The following RPN2 variants were observed in gnomAD, a reference collection of about 807,000 sequenced individuals.
RPN2 encodes dolichyl-diphosphooligosaccharide--protein glycosyltransferase subunit 2.
A neutral mutation model predicts 71.4 loss-of-function variants in RPN2; 29 were observed. The ratio of observed to expected loss-of-function variants is 0.41; its 90% confidence interval spans 0.30 to 0.55. RPN2 has a LOEUF of 0.55. RPN2 is among the 20% of genes least tolerant of loss of function. The pLI is 0.35. For synonymous variants in RPN2, 308 were observed against 305.0 expected, an observed-to-expected ratio of 1.01 and a Z score of -0.10; for missense variants, 726 against 774.1, an observed-to-expected ratio of 0.94 and a Z score of 0.74.
At chr20:37,209,992 A>C in intron 7 of RPN2, 55 bp from the exon 8 acceptor site, 7 of 1,605,128 alleles carry the variant, frequency 4.4e-6, no homozygotes, top group Non-Finnish European at 5.9e-6. Flanking sequence ...CCAGAAACAA[A>C]ATTCTCTGCT....
At chr20:37,238,700 G>A in intron 16 of RPN2, 2 of 727,030 alleles carry the variant, frequency 2.8e-6, no homozygotes, top group Middle Eastern at 2.4e-4. Flanking sequence ...GGCTTTGACT[G>A]TATAAGACTT....
intron 11 of RPN2, 69 bp downstream of exon 11, chr20:37,225,871 C>A: frequency 1.9e-6 from 2 of 1,069,360 alleles, no homozygotes; most frequent in South Asian, 1.3e-5. Flanking sequence ...ACAATGTGGT[C>A]TATAACATGG....
intron 15 of RPN2, among the ~76,000 whole-genome samples, chr20:37,236,098 G>GGT (rs1555893350): frequency 6.6e-6 from 1 of 151,782 alleles, no homozygotes; most frequent in Non-Finnish European, 1.5e-5. Flanking sequence ...CCTGTTTGTG[G>GGT]GTGTGTGTGT....
At chr20:37,206,319 A>G (rs2067508929) in intron 6 of RPN2, among the ~76,000 whole-genome samples, 1 of 152,246 alleles carries the variant, frequency 6.6e-6, no homozygotes, top group Non-Finnish European at 1.5e-5. Flanking sequence ...TCTTATAAAT[A>G]AAAACTTTGC....
intron 2 of RPN2, among the ~76,000 whole-genome samples, chr20:37,185,250 C>T (rs942334389): frequency 2.0e-5 from 3 of 151,578 alleles, no homozygotes; most frequent in South Asian, 2.1e-4. Context: ...AGCCATCCAC[C>T]TCAGCTTCCC....
chr20:37,203,542 A>G (rs1568974851), intron 4 of RPN2, among the ~76,000 whole-genome samples: 2 of 151,872 alleles, frequency 1.3e-5, no homozygotes, highest in African/African-American at 2.4e-5. Context: ...GGGTTTCACC[A>G]TCTTACCCAG....
Position 37,231,383 on chromosome 20 carries a change from A to C in RPN2, c.1582-913A>C, listed in dbSNP as rs149985798. Among the ~76,000 whole-genome samples the C allele has an allele frequency of 4.8e-3, 738 of 152,268 alleles. 8 individuals carry two copies. The highest frequency in any genetic ancestry group is 0.017 in the African/African-American group (691 of 41,560). On this transcript the variant is annotated intron_variant, in intron 13 of 16. Transcript: ENST00000237530. The stretch of plus-strand genomic sequence containing the variant: ...TCAGGAAAAAACAAAAAACAAAAAA[A>C]AAACCAAGAAATACCATCAGAATGC...
intron 2 of RPN2, among the ~76,000 whole-genome samples, chr20:37,184,610 G>A (rs1025886827): frequency 3.3e-5 from 5 of 152,172 alleles, no homozygotes; most frequent in African/African-American, 1.2e-4. Flanking sequence ...GGCCAGTGCA[G>A]TGAAACCCTG....
chr20:37,181,883 A>T (rs1166734458), intron 1 of RPN2, among the ~76,000 whole-genome samples: 1 of 146,072 alleles, frequency 6.8e-6, no homozygotes, highest in Non-Finnish European at 1.5e-5. Context: ...TTTTTTCCAT[A>T]GCACTTACTT....
rs2067550091 is a variant in RPN2, at chr20:37,207,704, CAG to C, written c.867+258_867+259del. 3.3e-5 allele frequency among the ~76,000 whole-genome samples: 5 copies of C among 152,148 alleles called. No homozygotes were observed. In the South Asian group the frequency reaches 1.0e-3, roughly 32 times the overall value. ...TTAATTTTTGTTTCTTTTTTTGAGA[CAG>C]AGTCTTGCTCTGTCACCCAGGCTGG... On this transcript the variant is annotated intron_variant, in intron 7 of 16. Coordinates refer to ENST00000237530, the MANE Select transcript of RPN2 (RefSeq NM_002951.5).
chr20:37,214,005 C>T (rs1408806663), intron 9 of RPN2, 140 bp downstream of exon 9: 3 of 724,960 alleles, frequency 4.1e-6, no homozygotes, highest in East Asian at 2.7e-5. Context: ...GGGCTGCATT[C>T]AGTCTTTGCT....
chr20:37,204,256 G>A (rs540856477), intron 5 of RPN2, among the ~76,000 whole-genome samples: 14 of 152,344 alleles, frequency 9.2e-5, no homozygotes, highest in African/African-American at 3.4e-4. Context: ...GGAGTGACAA[G>A]CAGTCCTGAT....
intron 13 of RPN2, 102 bp from the exon 14 acceptor site, chr20:37,232,194 A>G (rs2068266014): frequency 7.0e-7 from 1 of 1,432,270 alleles, no homozygotes; most frequent in Non-Finnish European, 9.8e-7. Flanking sequence ...TGGGCGGCAT[A>G]TCCTCTTCAT....
intron 9 of RPN2, among the ~76,000 whole-genome samples, chr20:37,220,683 G>T (rs564802043): frequency 1.3e-5 from 2 of 152,204 alleles, no homozygotes; most frequent in Admixed American, 6.5e-5. Context: ...TGCATTGTTA[G>T]TTGGAAGGAA....
rs951596815 is a variant in RPN2 at position 37,199,123 on chromosome 20, A to G, written c.377A>G (p.Tyr126Cys). The change falls in exon 4 of 17, where the codon TAC becomes TGC. Residue 126 changes from tyrosine (Y) to cysteine (C), a missense_variant. By Grantham distance (194) the Tyr-to-Cys change is radical. Coordinates refer to ENST00000237530, the MANE Select transcript of RPN2 (RefSeq NM_002951.5). ...VSEDSSVTQI[Y>C]HAVAALSGFG... is the part of the protein sequence containing the mutation. ...GAGGACTCATCTGTTACCCAGATCT[A>G]CCATGCAGTTGCAGCTCTAAGTGGC... is the stretch of plus-strand genomic sequence containing the variant. 5.0e-6 allele frequency: 8 copies of G among 1,614,074 alleles called. No homozygotes were observed. Among genetic ancestry groups the G allele is most frequent in the Non-Finnish European group, 6.8e-6 (8 of 1,179,906 alleles).
intron 1 of RPN2, chr20:37,179,629 A>C (rs2066796014): frequency 1.2e-6 from 1 of 807,862 alleles, no homozygotes; most frequent in Non-Finnish European, 1.8e-6. Flanking sequence ...AGCCGTGGGG[A>C]CCGCGGACGC....
intron 1 of RPN2, among the ~76,000 whole-genome samples, chr20:37,180,534 T>G (rs893238565): frequency 5.9e-5 from 9 of 152,174 alleles, no homozygotes; most frequent in Non-Finnish European, 1.5e-5. Context: ...ACACAGGTGC[T>G]GTTTTAGGGG....
intron 7 of RPN2, among the ~76,000 whole-genome samples, chr20:37,209,615 C>T (rs184823116): frequency 1.3e-5 from 2 of 152,188 alleles, no homozygotes; most frequent in Non-Finnish European, 1.5e-5. Context: ...AAGCACATGC[C>T]ACCATGCCCA....
chr20:37,188,728 C>T lies in RPN2; in HGVS notation c.207+4355C>T, dbSNP rs556444726. On this transcript the variant is annotated intron_variant, in intron 2 of 16. Transcript: ENST00000237530. ...AAACTTCTGGACTCAGGTGATCCTT[C>T]ACCTCTGCCCCTCGAGTAGCTGGGA... Among the ~76,000 whole-genome samples the T allele has an allele frequency of 5.3e-5, 8 of 151,352 alleles. No homozygotes were observed. In the South Asian group the frequency reaches 1.7e-3, roughly 32 times the overall value.
Sources: gnomAD v4.1 joint callset for allele counts (sites outside exome capture counted in the v4.1 genomes callset) on GRCh38, gnomAD v4.1.1 for gene constraint, MANE v1.5 for transcripts, NCBI Gene and HGNC (gene_info 2026-07-23, HGNC 2026-07-21) for gene names.